CPQ: variants seen among roughly 807,000 people sequenced by gnomAD.
The protein encoded by CPQ is carboxypeptidase Q.
Under a neutral mutation model 45.7 loss-of-function variants are expected in CPQ, and 37 were observed. The ratio of observed to expected loss-of-function variants is 0.81; its 90% confidence interval spans 0.62 to 1.07. CPQ has a LOEUF of 1.07. CPQ is among the 50% of genes least tolerant of loss of function. CPQ has a pLI of 0.00. For synonymous variants in CPQ, 186 were observed against 205.8 expected, an observed-to-expected ratio of 0.90 and a Z score of 0.82; for missense variants, 537 against 572.9, an observed-to-expected ratio of 0.94 and a Z score of 0.64.
intron 1 of CPQ, among the ~76,000 whole-genome samples, chr8:96,671,895 AAAG>A (rs1174653339): frequency 1.3e-5 from 2 of 152,176 alleles, no homozygotes; most frequent in African/African-American, 4.8e-5. Flanking sequence ...GGGCAACTAA[AAAG>A]AAGTGTTTAG....
intron 3 of CPQ, among the ~76,000 whole-genome samples, chr8:96,849,819 C>G (rs571867744): frequency 6.6e-6 from 1 of 152,268 alleles, no homozygotes; most frequent in African/African-American, 2.4e-5. Flanking sequence ...CACTTTCTTT[C>G]TATATTGACT....
intron 4 of CPQ, among the ~76,000 whole-genome samples, chr8:96,915,460 T>G (rs1812721413): frequency 6.6e-6 from 1 of 152,208 alleles, no homozygotes; most frequent in African/African-American, 2.4e-5. Context: ...AATATTTGCA[T>G]AAAAGGAAAT....
chr8:96,653,593 G>A (rs1815602754), intron 1 of CPQ, among the ~76,000 whole-genome samples: 2 of 152,124 alleles, frequency 1.3e-5, no homozygotes, highest in Non-Finnish European at 2.9e-5. Flanking sequence ...AACATAAATA[G>A]CCAATTAACA....
intron 3 of CPQ, among the ~76,000 whole-genome samples, chr8:96,839,904 C>G (rs1320160612): frequency 6.6e-6 from 1 of 152,120 alleles, no homozygotes; most frequent in Non-Finnish European, 1.5e-5. Context: ...GAAGTAGATA[C>G]TGTATTGGTA....
chr8:96,809,807 A>G (rs924181930), intron 2 of CPQ, among the ~76,000 whole-genome samples: 1 of 152,184 alleles, frequency 6.6e-6, no homozygotes, highest in Admixed American at 6.5e-5. Context: ...AGAAAATGCA[A>G]TGTTGAAAGA....
intron 3 of CPQ, among the ~76,000 whole-genome samples, chr8:96,854,510 G>A (rs112804722): frequency 0.016 from 1,030 of 63,122 alleles, 8 homozygotes; most frequent in Middle Eastern, 0.16. Flanking sequence ...CAGCCTGGGC[G>A]ACAGAGCGAG....
intron 4 of CPQ, among the ~76,000 whole-genome samples, chr8:96,939,042 T>C (rs1189226460): frequency 6.6e-6 from 1 of 152,202 alleles, no homozygotes. Flanking sequence ...ATCTGAACTT[T>C]TTAAAATTAT....
intron 2 of CPQ, among the ~76,000 whole-genome samples, chr8:96,800,634 A>T (rs1232882079): frequency 1.3e-4 from 20 of 152,206 alleles, no homozygotes; most frequent in Admixed American, 1.3e-3. Context: ...AGTTGGAAGC[A>T]ATAGACTAAT....
At chr8:96,697,539 G>T (rs1809402068) in intron 1 of CPQ, among the ~76,000 whole-genome samples, 1 of 152,078 alleles carries the variant, frequency 6.6e-6, no homozygotes, top group Admixed American at 6.6e-5. Flanking sequence ...GAAATAAAGG[G>T]CATCCAGATT....
intron 6 of CPQ, among the ~76,000 whole-genome samples, chr8:97,062,959 T>C (rs146398230): frequency 2.6e-5 from 4 of 152,218 alleles, no homozygotes; most frequent in East Asian, 3.9e-4. Flanking sequence ...CTTTATAATA[T>C]AGAATGATTT....
At chr8:96,772,248 T>A (rs1488036715) in intron 1 of CPQ, among the ~76,000 whole-genome samples, 1 of 151,760 alleles carries the variant, frequency 6.6e-6, no homozygotes, top group East Asian at 1.9e-4. Context: ...GGGGAAGGGA[T>A]GGGTTTGGGG....
chr8:96,997,195 C>A (rs2130417877), intron 5 of CPQ, among the ~76,000 whole-genome samples: 1 of 152,062 alleles, frequency 6.6e-6, no homozygotes, highest in South Asian at 2.1e-4. Flanking sequence ...TTAAAGTCCT[C>A]TTAGCTTGGT....
intron 7 of CPQ, among the ~76,000 whole-genome samples, chr8:97,129,447 G>A (rs1299068878): frequency 6.6e-6 from 1 of 152,074 alleles, no homozygotes; most frequent in Non-Finnish European, 1.5e-5. Context: ...TCATTGTGAG[G>A]CTTTGATAAG....
intron 5 of CPQ, among the ~76,000 whole-genome samples, chr8:97,018,268 A>T (rs748451728): frequency 5.3e-5 from 8 of 152,236 alleles, no homozygotes; most frequent in Non-Finnish European, 1.0e-4. Flanking sequence ...CCTCTGACAG[A>T]GCTGACCCAA....
chr8:97,127,025 G>A (rs968497501), intron 7 of CPQ, among the ~76,000 whole-genome samples: 2 of 152,068 alleles, frequency 1.3e-5, no homozygotes, highest in African/African-American at 4.8e-5. Context: ...ACTCAAAATG[G>A]ATCATAAACC....
intron 1 of CPQ, among the ~76,000 whole-genome samples, chr8:96,754,826 A>G (rs1810310528): frequency 1.3e-5 from 2 of 152,002 alleles, no homozygotes; most frequent in South Asian, 2.1e-4. Flanking sequence ...TAAATGGTAA[A>G]TGTTTTATTT....
At chr8:96,762,552 G>T (rs1810417968) in intron 1 of CPQ, among the ~76,000 whole-genome samples, 1 of 152,138 alleles carries the variant, frequency 6.6e-6, no homozygotes, top group African/African-American at 2.4e-5. Context: ...GGCACATTCT[G>T]TAGAGATATC....
At chr8:96,807,533 G>GA (rs1811100714) in intron 2 of CPQ, among the ~76,000 whole-genome samples, 2 of 152,226 alleles carry the variant, frequency 1.3e-5, no homozygotes, top group South Asian at 4.1e-4. Flanking sequence ...GCGCCCGGCT[G>GA]AAAACTACTC....
chr8:97,086,956 C>T (rs773892799), intron 7 of CPQ, among the ~76,000 whole-genome samples: 7 of 152,160 alleles, frequency 4.6e-5, no homozygotes, highest in African/African-American at 7.2e-5. Context: ...TCCAGGTATC[C>T]TTAGGGTCCT....
Sources: gnomAD v4.1 joint callset for allele counts (sites outside exome capture counted in the v4.1 genomes callset) on GRCh38, gnomAD v4.1.1 for gene constraint, MANE v1.5 for transcripts, NCBI Gene and HGNC (gene_info 2026-07-23, HGNC 2026-07-21) for gene names.